The following ANKHD1 variants were observed in gnomAD, a reference collection of about 807,000 sequenced individuals.
ANKHD1 encodes ankyrin repeat and KH domain-containing protein 1.
In ANKHD1, 31 loss-of-function variants were observed where a neutral mutation model predicts 230.5. The ratio of observed to expected loss-of-function variants is 0.13; its 90% CI spans 0.10 to 0.18. The LOEUF is 0.18. Ranked by LOEUF, ANKHD1 falls within the 10% of genes least tolerant of loss-of-function variation. The pLI is 1.00. For missense variants in ANKHD1, 2,256 were observed against 3,071.3 expected (o/e 0.73, Z 6.27); for synonymous variants, 1,074 against 1,117.6 (o/e 0.96, Z 0.78).
chr5:140,521,298 C>T (rs896077701), intron 24 of ANKHD1, among the ~76,000 whole-genome samples: 2 of 151,864 alleles, frequency 1.3e-5, no homozygotes, highest in African/African-American at 2.4e-5. Flanking sequence ...ATAACTTATC[C>T]ATAATAAAAA....
chr5:140,513,781 C>T (rs1013511188), intron 24 of ANKHD1, among the ~76,000 whole-genome samples: 22 of 147,448 alleles, frequency 1.5e-4, no homozygotes, highest in Admixed American at 5.5e-4. Flanking sequence ...TGCACTCCAG[C>T]CTGGCTGACA....
chr5:140,443,616 A>G (rs1774039514), intron 5 of ANKHD1, among the ~76,000 whole-genome samples: 1 of 151,756 alleles, frequency 6.6e-6, no homozygotes, highest in Non-Finnish European at 1.5e-5. Context: ...GCATGAACCC[A>G]GGAGGCGGAG....
chr5:140,463,361 A>C (rs1473004100), intron 9 of ANKHD1, among the ~76,000 whole-genome samples: 1 of 152,142 alleles, frequency 6.6e-6, no homozygotes, highest in South Asian at 2.1e-4. Flanking sequence ...CTCATATGGC[A>C]AAGTGTTCCA....
chr5:140,509,892 T>G, intron 21 of ANKHD1, 80 bp downstream of exon 21: 1 of 1,550,906 alleles, frequency 6.4e-7, no homozygotes, highest in Non-Finnish European at 8.7e-7. Flanking sequence ...TAACATTGTT[T>G]TACTTTATTG....
chr5:140,486,085 G>C (rs1751488741), intron 13 of ANKHD1: 1 of 240,742 alleles, frequency 4.2e-6, no homozygotes, highest in Non-Finnish European at 7.9e-6. Context: ...TTTTTTTTGA[G>C]ATGGAGTCTT....
chr5:140,536,139 G>T (rs919977481), intron 30 of ANKHD1, among the ~76,000 whole-genome samples: 5 of 152,154 alleles, frequency 3.3e-5, no homozygotes, highest in African/African-American at 1.2e-4. Flanking sequence ...TGTTGCCCTG[G>T]CTGGAGTGCA....
intron 1 of ANKHD1, among the ~76,000 whole-genome samples, chr5:140,409,723 T>A (rs1182923759): frequency 6.6e-6 from 1 of 151,962 alleles, no homozygotes; most frequent in Non-Finnish European, 1.5e-5. Flanking sequence ...CGGCTAATTT[T>A]TTGTATTTTT....
At chr5:140,464,991 C>G (rs1168132271) in intron 10 of ANKHD1, 1 of 313,088 alleles carries the variant, frequency 3.2e-6, no homozygotes, top group Non-Finnish European at 5.6e-6. Flanking sequence ...GGTAAAACTA[C>G]TAGTTTGTTT....
chr5:140,505,159 G>C lies in ANKHD1; in HGVS notation c.3188G>C (p.Cys1063Ser), dbSNP rs765592084. ...SNHDTALTLA[C>S]AGGHEELVSV... Reference sequence around the variant, plus strand: ...CATGACACAGCATTAACACTAGCTTGTGCAGGTGGTCATGAAGAACTTGTA... The same window carrying C: ...CATGACACAGCATTAACACTAGCTTCTGCAGGTGGTCATGAAGAACTTGTA... Residue 1063 changes from cysteine (C) to serine (S), a missense_variant, in exon 17 of 34, where the codon TGT becomes TCT. Cys to Ser is a moderately radical substitution (Grantham distance 112). Transcript: ENST00000360839. 4.0e-5 allele frequency: 64 copies of C among 1,614,002 alleles called. 2 individuals carry two copies. The South Asian group carries it at 7.0e-4, about 18-fold the overall frequency.
intron 1 of ANKHD1, among the ~76,000 whole-genome samples, chr5:140,427,182 G>C (rs1342586774): frequency 1.3e-5 from 2 of 150,204 alleles, no homozygotes; most frequent in Non-Finnish European, 3.0e-5. Flanking sequence ...CGGGGCAGCT[G>C]GCCGGGCAGA....
intron 1 of ANKHD1, among the ~76,000 whole-genome samples, chr5:140,404,649 GGTC>G (rs1205973890): frequency 6.6e-6 from 1 of 151,552 alleles, no homozygotes; most frequent in Non-Finnish European, 1.5e-5. Flanking sequence ...TGGCCAGGTG[GGTC>G]TCAAACTCCT....
Position 140,527,170 on chromosome 5 carries a change from G to A in ANKHD1, c.5087+96G>A. ...TTAATTAATGAATAATTTGAATGTG[G>A]TTATTATTTTAAACTGCATTGCCAC... On this transcript the variant is annotated intron_variant, in intron 27 of 33. Coordinates refer to ENST00000360839, the MANE Select transcript of ANKHD1 (RefSeq NM_017747.3). This position sits in a 1 kb window ranked among gnomAD's most constrained non-coding sequence, Gnocchi z 4.5. The A allele has an allele frequency of 2.1e-6, 3 of 1,420,334 alleles. No homozygotes were observed. The highest frequency in any genetic ancestry group is 2.8e-6 in the Non-Finnish European group (3 of 1,081,012). 88.0% of individuals were successfully genotyped at this position (1,420,334 alleles called of 1,614,324 possible). A position where few individuals can be genotyped will look rare whatever the true frequency, so the allele number is the denominator to read the frequency against.
intron 14 of ANKHD1, among the ~76,000 whole-genome samples, chr5:140,488,222 G>C (rs183014905): frequency 2.0e-4 from 31 of 152,082 alleles, no homozygotes; most frequent in Admixed American, 1.5e-3. Flanking sequence ...GTTTTCTTTG[G>C]GGGGGAGTTT....
intron 4 of ANKHD1, 100 bp downstream of exon 4, chr5:140,440,366 T>G (rs763283044): frequency 7.0e-7 from 1 of 1,423,048 alleles, no homozygotes; most frequent in Non-Finnish European, 9.2e-7. Context: ...GAGGCCAGAG[T>G]CTTCTCTTCC....
intron 9 of ANKHD1, among the ~76,000 whole-genome samples, chr5:140,461,594 A>C (rs911416826): frequency 9.9e-5 from 15 of 152,206 alleles, no homozygotes; most frequent in African/African-American, 3.6e-4. Context: ...GTGTTTTAAC[A>C]TGAATGTCTA....
chr5:140,529,689 C>T lies in ANKHD1; in HGVS notation c.6743C>T (p.Ala2248Val), dbSNP rs772492571. Residue 2248 changes from alanine to valine, a missense_variant, in exon 29 of 34, where the codon GCG (alanine) becomes GTG (valine). Ala to Val is a moderately conservative substitution (Grantham distance 64). Transcript: ENST00000360839. ...ATDASFTVQS[A>V]FLGNSVLGHL... ...GATGCCTCTTTCACTGTTCAGTCAGCGTTCCTGGGTAACTCAGTGCTTGGA... is the reference window on the plus strand; with the variant it reads ...GATGCCTCTTTCACTGTTCAGTCAGTGTTCCTGGGTAACTCAGTGCTTGGA... 1 of 1,614,058 alleles carries T rather than the reference C, an allele frequency of 6.2e-7. No homozygotes were observed. Among genetic ancestry groups the T allele is most frequent in the Non-Finnish European group, 8.5e-7 (1 of 1,180,048 alleles).
At chr5:140,481,795 A>G (rs1751286097) in intron 10 of ANKHD1, among the ~76,000 whole-genome samples, 2 of 152,120 alleles carry the variant, frequency 1.3e-5, no homozygotes, top group Admixed American at 6.5e-5. Context: ...GTGTTTGCAT[A>G]TATAATGAAA....
chr5:140,476,261 T>C (rs1202529535), intron 10 of ANKHD1, among the ~76,000 whole-genome samples: 1 of 152,082 alleles, frequency 6.6e-6, no homozygotes, highest in Non-Finnish European at 1.5e-5. Context: ...AGCTCCACCA[T>C]ATTATCTACT....
At chr5:140,470,763 C>G (rs1309514688) in intron 10 of ANKHD1, among the ~76,000 whole-genome samples, 1 of 151,914 alleles carries the variant, frequency 6.6e-6, no homozygotes, top group Non-Finnish European at 1.5e-5. Context: ...GTTGGAACTA[C>G]GGGCACACAC....
Sources: allele counts gnomAD v4.1 joint callset (sites outside exome capture counted in the v4.1 genomes callset), GRCh38; gene constraint gnomAD v4.1.1; non-coding constraint Gnocchi (gnomAD v3.1); transcripts MANE v1.5; gene names NCBI Gene and HGNC (gene_info 2026-07-23, HGNC 2026-07-21).